The following GLIS3 variants were observed in gnomAD, a reference collection of about 807,000 sequenced individuals.
GLIS3 encodes the protein zinc finger protein GLIS3.
In GLIS3, 53 loss-of-function variants were observed where a neutral mutation model predicts 78.6. The ratio of observed to expected loss-of-function variants is 0.67; its 90% CI spans 0.54 to 0.85. The LOEUF (loss-of-function observed/expected upper bound fraction) is 0.85. Among genes scored for constraint, GLIS3 ranks in the 40% least tolerant of loss-of-function variants. The pLI is 0.00. For missense variants in GLIS3, 1,703 were observed against 1,231.1 expected (o/e 1.38, Z -5.74); for synonymous variants, 684 against 509.9 (o/e 1.34, Z -4.60).
chr9:4,214,532 C>T (rs556531651), intron 2 of GLIS3, among the ~76,000 whole-genome samples: 1 of 152,176 alleles, frequency 6.6e-6, no homozygotes, highest in Admixed American at 6.5e-5. Context: ...GGTGTCTGCC[C>T]TCCCCAAGCT....
At chr9:4,037,904 T>C (rs1824467858) in intron 4 of GLIS3, among the ~76,000 whole-genome samples, 1 of 152,054 alleles carries the variant, frequency 6.6e-6, no homozygotes, top group Non-Finnish European at 1.5e-5. Context: ...GAATATTTTA[T>C]ACACACTTTT....
the GLIS3 span, among the ~76,000 whole-genome samples, chr9:4,488,597 G>A: frequency 2.6e-5 from 4 of 151,674 alleles, no homozygotes; most frequent in South Asian, 2.1e-4. Flanking sequence ...TCGGCTCACC[G>A]CAACCTCCAC....
At chr9:4,398,177 T>C in the GLIS3 span, among the ~76,000 whole-genome samples, 1 of 151,984 alleles carries the variant, frequency 6.6e-6, no homozygotes, top group African/African-American at 2.4e-5. Context: ...ACCCACAGAA[T>C]ATTCTTCCCC....
At chr9:4,399,057 C>G in the GLIS3 span, among the ~76,000 whole-genome samples, 2 of 152,158 alleles carry the variant, frequency 1.3e-5, no homozygotes, top group African/African-American at 4.8e-5. Context: ...TGAGATAGAC[C>G]ATAACATTTT....
rs1445342 is a variant in GLIS3 at position 3,936,907 on chromosome 9, C to T, written c.1872+121G>A. ...CCTTTTACCAGGCTCCACTGCTGCC[C>T]TTGGCATTGTCCCTGTAACCTGCAG... On this transcript the variant is annotated intron_variant, in intron 5 of 10. Coordinates refer to ENST00000381971, the MANE Select transcript of GLIS3 (RefSeq NM_001042413.2). The T allele has an allele frequency of 1.7e-3, 2,302 of 1,367,310 alleles. 29 individuals are homozygous for T. In the African/African-American group the frequency reaches 0.029, roughly 17 times the overall value. The allele number at this position is 1,367,310 out of a possible 1,614,324, so 84.7% of individuals were successfully genotyped here.
At chr9:3,881,295 T>C (rs1021992802) in intron 7 of GLIS3, among the ~76,000 whole-genome samples, 1 of 152,184 alleles carries the variant, frequency 6.6e-6, no homozygotes, top group Non-Finnish European at 1.5e-5. Flanking sequence ...CCTGCTTCAG[T>C]GTAGAAATGT....
chr9:4,188,149 T>C (rs953525048), intron 2 of GLIS3, among the ~76,000 whole-genome samples: 2 of 151,312 alleles, frequency 1.3e-5, no homozygotes, highest in African/African-American at 4.8e-5. Context: ...TAGATAGCTC[T>C]TATTATTTTG....
At chr9:4,150,311 T>C (rs540377390) in intron 2 of GLIS3, among the ~76,000 whole-genome samples, 2 of 152,354 alleles carry the variant, frequency 1.3e-5, no homozygotes, top group South Asian at 4.1e-4. Context: ...AGCCACTGAC[T>C]GTCCTCTGCT....
At chr9:4,375,045 A>C in the GLIS3 span, among the ~76,000 whole-genome samples, 57,431 of 152,118 alleles carry the variant, frequency 0.38, 13,225 homozygotes, top group Admixed American at 0.52. Context: ...CACTATTATT[A>C]TAAAATGATG....
chr9:4,285,523 CTTATTTA>C (rs945480063), intron 2 of GLIS3: 1 of 152,254 alleles, frequency 6.6e-6, no homozygotes, highest in Non-Finnish European at 1.5e-5. Context: ...CTTAATTTTT[CTTATTTA>C]TATTTATTGA....
At chr9:4,457,269 G>A in the GLIS3 span, among the ~76,000 whole-genome samples, 1 of 151,658 alleles carries the variant, frequency 6.6e-6, no homozygotes, top group Non-Finnish European at 1.5e-5. Flanking sequence ...GTTGAGGTGG[G>A]AGGATCATTT....
At chr9:3,914,419 G>A (rs746010726) in intron 6 of GLIS3, among the ~76,000 whole-genome samples, 3 of 150,866 alleles carry the variant, frequency 2.0e-5, no homozygotes, top group East Asian at 1.9e-4. Context: ...CTCTGGCCTC[G>A]GCCTCCCAAA....
chr9:4,280,333 T>C (rs190082873), intron 2 of GLIS3, among the ~76,000 whole-genome samples: 1 of 152,334 alleles, frequency 6.6e-6, no homozygotes, highest in East Asian at 1.9e-4. Context: ...GGCTGTATTT[T>C]AAAATGTAAC....
At chr9:4,296,308 A>AAG (rs1816501231) in intron 1 of GLIS3, among the ~76,000 whole-genome samples, 1 of 151,664 alleles carries the variant, frequency 6.6e-6, no homozygotes, top group African/African-American at 2.4e-5. Context: ...AAAAAAAAAA[A>AAG]AAGACCGAGA....
chr9:3,920,272 G>C lies in GLIS3; in HGVS notation c.1983+12088C>G, dbSNP rs911268252. On this transcript the variant is annotated intron_variant, in intron 6 of 10. Coordinates refer to ENST00000381971, the MANE Select transcript of GLIS3 (RefSeq NM_001042413.2). ...CCCGCCTCGGCCTCCCAAAATGCTG[G>C]GATTACAGGCATGAGCCACTGTGCC... 2.0e-5 allele frequency among the ~76,000 whole-genome samples: 3 copies of C among 152,064 alleles called. No homozygotes were observed. The East Asian group carries it at 5.8e-4, about 29-fold the overall frequency.
At chr9:4,004,839 T>C (rs904567292) in intron 4 of GLIS3, among the ~76,000 whole-genome samples, 1 of 152,226 alleles carries the variant, frequency 6.6e-6, no homozygotes, top group Admixed American at 6.5e-5. Flanking sequence ...TAGTAAACTT[T>C]AGAATATGGA....
intron 2 of GLIS3, among the ~76,000 whole-genome samples, chr9:4,250,593 T>C (rs1322369839): frequency 2.0e-5 from 3 of 152,216 alleles, no homozygotes; most frequent in African/African-American, 7.2e-5. Context: ...TTTGAAGTGT[T>C]TCTGTGTCTC....
At chr9:4,178,517 T>C (rs1265274304) in intron 2 of GLIS3, among the ~76,000 whole-genome samples, 1 of 152,216 alleles carries the variant, frequency 6.6e-6, no homozygotes. Context: ...TGAATACAAA[T>C]AGTTACAGAG....
rs996595648 is a variant in GLIS3, at chr9:3,933,401, G to A, written c.1873-931C>T. 2.0e-5 allele frequency among the ~76,000 whole-genome samples: 3 copies of A among 152,090 alleles called. No individual in the cohort carries two copies. In the South Asian group the frequency reaches 6.2e-4, roughly 32 times the overall value. On this transcript the variant is annotated intron_variant, in intron 5 of 10. Coordinates refer to ENST00000381971, the MANE Select transcript of GLIS3 (RefSeq NM_001042413.2). ...AATAGAAATGAATGAATTAAGAGCA[G>A]CTCACATCCATTCACATTTCAGCAC... is the stretch of plus-strand genomic sequence containing the variant.
Sources: allele counts gnomAD v4.1 joint callset (sites outside exome capture counted in the v4.1 genomes callset), GRCh38; gene constraint gnomAD v4.1.1; transcripts MANE v1.5; gene names NCBI Gene and HGNC (gene_info 2026-07-23, HGNC 2026-07-21).